The following TRIM2 variants were observed in gnomAD, a reference collection of about 807,000 sequenced individuals.
TRIM2 encodes tripartite motif-containing protein 2.
Under a neutral mutation model 75.2 loss-of-function variants are expected in TRIM2, and 20 were observed. That is an observed-to-expected ratio of 0.27 (90% confidence interval 0.19 to 0.39). TRIM2 has a LOEUF of 0.39. Ranked by LOEUF, TRIM2 falls within the 10% of genes least tolerant of loss-of-function variation. The probability of loss-of-function intolerance (pLI) is 1.00; values close to 1 mark genes in which losing one functional copy is unlikely to be tolerated. For missense variants in TRIM2, 660 were observed against 990.8 expected, an observed-to-expected ratio of 0.67 and a Z score of 4.48; for synonymous variants, 373 against 388.3, an observed-to-expected ratio of 0.96 and a Z score of 0.46.
intron 1 of TRIM2, among the ~76,000 whole-genome samples, chr4:153,182,685 T>C (rs557724304): frequency 7.2e-5 from 11 of 152,342 alleles, no homozygotes; most frequent in African/African-American, 2.6e-4. Context: ...TCTTATGGAT[T>C]TCTCCTAAAA....
In TRIM2 at chr4:153,338,697, T is replaced by C. The variant is rs1191300305; in HGVS notation, c.*3731T>C. On this transcript the variant is annotated 3_prime_UTR_variant, in exon 12 of 12. Transcript: ENST00000338700. The stretch of plus-strand genomic sequence containing the variant: ...AAAAACTTTCTAAAGATGAATTGTG[T>C]GGCAGTGATTGGTCTGTTTGTGGAG... 1.0e-6 allele frequency: 1 copy of C among 985,726 alleles called. No homozygotes were observed. Among genetic ancestry groups the C allele is most frequent in the African/African-American group, 1.7e-5 (1 of 57,246 alleles). 61.1% of individuals were successfully genotyped at this position (985,726 alleles called of 1,614,324 possible).
At chr4:153,270,282 C>T in intron 1 of TRIM2, 53 bp from the exon 2 acceptor site, 1 of 1,557,534 alleles carries the variant, frequency 6.4e-7, no homozygotes, top group Non-Finnish European at 8.7e-7. Context: ...CAGTGATTGA[C>T]TTGTACCTAC....
In TRIM2 at chr4:153,254,595, T is replaced by C. The variant is rs576444703; in HGVS notation, c.31-15740T>C. Among the ~76,000 whole-genome samples the C allele has an allele frequency of 5.9e-5, 9 of 152,294 alleles. No individual in the cohort carries two copies. In the East Asian group the frequency reaches 1.7e-3, roughly 29 times the overall value. The stretch of plus-strand genomic sequence containing the variant: ...CCACTATTACCATCTACCTACCTGT[T>C]TTCAGGAAGTGCCAAGGAGATGATG... On this transcript the variant is annotated intron_variant, in intron 1 of 11. Transcript: ENST00000338700.
At chr4:153,269,734 C>T (rs1328219241) in intron 1 of TRIM2, among the ~76,000 whole-genome samples, 2 of 152,056 alleles carry the variant, frequency 1.3e-5, no homozygotes, top group African/African-American at 4.8e-5. Context: ...CTTTGAAGCC[C>T]AGCGAGCATA....
At chr4:153,200,164 CT>C (rs1237212035), upstream of TRIM2, among the ~76,000 whole-genome samples, 3 of 152,168 alleles carry the variant, frequency 2.0e-5, no homozygotes, top group Non-Finnish European at 4.4e-5. Flanking sequence ...TGGTCTCGAA[CT>C]CCTTACCTCA....
intron 1 of TRIM2, among the ~76,000 whole-genome samples, chr4:153,162,707 T>A (rs1560776940): frequency 6.6e-6 from 1 of 152,244 alleles, no homozygotes. Context: ...GTTTCTGAAC[T>A]GTGGCAGAGC....
chr4:153,296,090 A>C, intron 6 of TRIM2, 54 bp downstream of exon 6: 1 of 1,500,762 alleles, frequency 6.7e-7, no homozygotes, highest in African/African-American at 1.4e-5. Flanking sequence ...TTAAGGGGTA[A>C]CTGGGCACGT....
chr4:153,328,982 A>G (rs570272264), intron 11 of TRIM2, among the ~76,000 whole-genome samples: 39 of 152,278 alleles, frequency 2.6e-4, no homozygotes, highest in African/African-American at 8.9e-4. Flanking sequence ...GAAAATTATC[A>G]TTTCCCTTAA....
At chr4:153,326,678 T>C (rs967061534) in intron 10 of TRIM2, among the ~76,000 whole-genome samples, 2 of 152,180 alleles carry the variant, frequency 1.3e-5, no homozygotes, top group East Asian at 1.9e-4. Context: ...GGAAAACATA[T>C]TGACTCAGAA....
At chr4:153,237,651 G>A (rs1013704678) in intron 1 of TRIM2, among the ~76,000 whole-genome samples, 4 of 151,940 alleles carry the variant, frequency 2.6e-5, no homozygotes, top group Admixed American at 2.0e-4. Flanking sequence ...TTGCATTTCA[G>A]CCCAGGCGAC....
intron 1 of TRIM2, among the ~76,000 whole-genome samples, chr4:153,239,650 C>A (rs1391513985): frequency 6.6e-6 from 1 of 152,088 alleles, no homozygotes; most frequent in Admixed American, 6.5e-5. Flanking sequence ...AAGTGGCCTG[C>A]ACCAGGTTTT....
chr4:153,184,563 G>A (rs1272509206), intron 1 of TRIM2, among the ~76,000 whole-genome samples: 11 of 152,294 alleles, frequency 7.2e-5, no homozygotes, highest in African/African-American at 2.6e-4. Flanking sequence ...TAGCTTAAGT[G>A]ACAAGAAGTC....
upstream of TRIM2, among the ~76,000 whole-genome samples, chr4:153,202,633 A>G (rs1228556784): frequency 8.8e-4 from 132 of 149,832 alleles, 2 homozygotes; most frequent in Admixed American, 8.8e-3. Context: ...CGAGAGGCGG[A>G]GCTTGCAGTG....
chr4:153,303,623 A>T (rs1277378511), intron 6 of TRIM2, among the ~76,000 whole-genome samples: 1 of 152,244 alleles, frequency 6.6e-6, no homozygotes, highest in Non-Finnish European at 1.5e-5. Context: ...ATTCAAAGCC[A>T]ATCACATACA....
chr4:153,157,987 A>G (rs1326396610), intron 1 of TRIM2, among the ~76,000 whole-genome samples: 1 of 152,190 alleles, frequency 6.6e-6, no homozygotes, highest in Non-Finnish European at 1.5e-5. Context: ...CAGGTTCCCT[A>G]TGGAGAATTT....
chr4:153,187,626 A>G (rs541403728), intron 1 of TRIM2, among the ~76,000 whole-genome samples: 2 of 152,312 alleles, frequency 1.3e-5, no homozygotes, highest in South Asian at 4.1e-4. Flanking sequence ...CAGTAGGCCA[A>G]CCAGACCTCT....
intron 11 of TRIM2, among the ~76,000 whole-genome samples, chr4:153,330,627 A>G (rs1307976234): frequency 1.3e-5 from 2 of 152,240 alleles, no homozygotes; most frequent in Non-Finnish European, 1.5e-5. Context: ...GAAAAACTAT[A>G]TGATCATATC....
At chr4:153,289,099 A>G (rs1761301242) in intron 3 of TRIM2, among the ~76,000 whole-genome samples, 1 of 151,960 alleles carries the variant, frequency 6.6e-6, no homozygotes, top group African/African-American at 2.4e-5. Context: ...AATTTCTTTT[A>G]TTCCTCTTTG....
In TRIM2 at chr4:153,303,238, C is replaced by T. The variant is rs564323237; in HGVS notation, c.1510+7202C>T. Among the ~76,000 whole-genome samples, 5 of 151,644 alleles carry T rather than the reference C, an allele frequency of 3.3e-5. No homozygotes were observed. The South Asian group carries it at 6.3e-4, about 19-fold the overall frequency. On this transcript the variant is annotated intron_variant, in intron 6 of 11. Transcript: ENST00000338700. ...TGGCACTTTGGGAGGCTGTGGCGGG[C>T]GGACCACCTGAGGTCAGCAGTTTGA...
Sources: allele counts gnomAD v4.1 joint callset (sites outside exome capture counted in the v4.1 genomes callset), GRCh38; gene constraint gnomAD v4.1.1; transcripts MANE v1.5; gene names NCBI Gene and HGNC (gene_info 2026-07-23, HGNC 2026-07-21).